DPP6: variants seen among roughly 807,000 people sequenced by gnomAD.
The protein encoded by DPP6 is A-type potassium channel modulatory protein DPP6.
A neutral mutation model predicts 122.6 loss-of-function variants in DPP6; 69 were observed. The observed-to-expected ratio is 0.56, with a 90% CI of 0.46 to 0.69. DPP6 has a LOEUF of 0.69. DPP6 is among the 30% of genes least tolerant of loss of function. The pLI, the probability that DPP6 is intolerant of heterozygous loss-of-function variation, is 0.00. For missense variants in DPP6, 928 were observed against 1,116.9 expected (o/e 0.83, Z 2.41); for synonymous variants, 418 against 433.1 (o/e 0.97, Z 0.43).
chr7:154,798,454 C>A (rs943545492), intron 12 of DPP6, among the ~76,000 whole-genome samples: 1 of 152,214 alleles, frequency 6.6e-6, no homozygotes. Flanking sequence ...TAAAATAATT[C>A]TTACTGTTTT....
chr7:153,963,714 A>G (rs1384807026), intron 1 of DPP6, among the ~76,000 whole-genome samples: 1 of 152,174 alleles, frequency 6.6e-6, no homozygotes, highest in African/African-American at 2.4e-5. Flanking sequence ...TCTGGGTTGC[A>G]TGCTCCTTAT....
intron 1 of DPP6, among the ~76,000 whole-genome samples, chr7:153,940,028 A>G (rs750978102): frequency 6.6e-6 from 1 of 152,228 alleles, no homozygotes; most frequent in Non-Finnish European, 1.5e-5. Context: ...AGCCAGGACA[A>G]GACATGGCAT....
chr7:154,671,590 A>G (rs1838558235), intron 7 of DPP6, among the ~76,000 whole-genome samples: 1 of 152,316 alleles, frequency 6.6e-6, no homozygotes, highest in Non-Finnish European at 1.5e-5. Context: ...AGCTTGTAAC[A>G]TAAAGGAAAT....
intron 1 of DPP6, among the ~76,000 whole-genome samples, chr7:153,992,079 G>A (rs921452215): frequency 1.6e-4 from 24 of 152,090 alleles, no homozygotes; most frequent in African/African-American, 4.8e-4. Context: ...GCATTTATAA[G>A]GGTGGAGCCT....
intron 6 of DPP6, among the ~76,000 whole-genome samples, chr7:154,648,017 G>A (rs928885673): frequency 2.6e-5 from 4 of 151,752 alleles, no homozygotes; most frequent in African/African-American, 7.3e-5. Context: ...TTGGGGGACC[G>A]AGGCGGGCAG....
At chr7:154,342,865 G>A (rs6973785) in intron 1 of DPP6, among the ~76,000 whole-genome samples, 17,157 of 152,136 alleles carry the variant, frequency 0.11, 1,399 homozygotes, top group African/African-American at 0.23. Context: ...CAAGCCAATC[G>A]TGGCCAAAGC....
intron 2 of DPP6, among the ~76,000 whole-genome samples, chr7:154,474,460 A>G (rs1822549616): frequency 1.3e-5 from 2 of 152,242 alleles, no homozygotes; most frequent in African/African-American, 4.8e-5. Context: ...ACCCAGAGAC[A>G]GCCAGGGACA....
chr7:153,822,346 C>T, the DPP6 span, among the ~76,000 whole-genome samples: 83 of 152,032 alleles, frequency 5.5e-4, no homozygotes, highest in South Asian at 1.2e-3. Flanking sequence ...CACGCCACCA[C>T]GCCCAGCTAA....
At chr7:153,773,465 A>G in the DPP6 span, among the ~76,000 whole-genome samples, 2 of 151,840 alleles carry the variant, frequency 1.3e-5, no homozygotes, top group Non-Finnish European at 2.9e-5. Context: ...ATTCTGGGCC[A>G]TAAAATAAAC....
Position 154,481,994 on chromosome 7 carries a change from C to T in DPP6, c.457+6957C>T, listed in dbSNP as rs559476187. Among the ~76,000 whole-genome samples the T allele has an allele frequency of 8.0e-4, 122 of 152,334 alleles. No individual in the cohort carries two copies. Among genetic ancestry groups the T allele is most frequent in the African/African-American group, 2.9e-3 (119 of 41,582 alleles). On this transcript the variant is annotated intron_variant, in intron 3 of 25. Coordinates refer to ENST00000377770, the MANE Select transcript of DPP6 (RefSeq NM_130797.4). The surrounding 1 kb of genome is among the most constrained non-coding windows in gnomAD (Gnocchi z 4.2). ...CACGAAGACTTCTTGGGCATTTTCT[C>T]ATTTGATACTTAAACAGCCTAGTTT... is the stretch of plus-strand genomic sequence containing the variant.
At chr7:154,117,827 C>T (rs1040307827) in intron 1 of DPP6, among the ~76,000 whole-genome samples, 1 of 151,816 alleles carries the variant, frequency 6.6e-6, no homozygotes, top group African/African-American at 2.4e-5. Context: ...TACCGTGTTT[C>T]TGAGCGAGGA....
At chr7:153,823,839 T>C in the DPP6 span, among the ~76,000 whole-genome samples, 1 of 152,108 alleles carries the variant, frequency 6.6e-6, no homozygotes, top group Non-Finnish European at 1.5e-5. Context: ...CTGTTTTCAC[T>C]GCAGTCAATT....
intron 1 of DPP6, among the ~76,000 whole-genome samples, chr7:154,164,165 A>G (rs1225612074): frequency 2.6e-5 from 4 of 151,596 alleles, no homozygotes; most frequent in Non-Finnish European, 4.4e-5. Flanking sequence ...TGTTCTGACT[A>G]TGGTCTAAGA....
chr7:153,982,556 C>T (rs1487468660), intron 1 of DPP6, among the ~76,000 whole-genome samples: 1 of 152,070 alleles, frequency 6.6e-6, no homozygotes, highest in Non-Finnish European at 1.5e-5. Context: ...ATTTGTCAAA[C>T]TCATTCTCCA....
At chr7:154,730,177 C>T (rs1251295045) in intron 8 of DPP6, among the ~76,000 whole-genome samples, 1 of 152,186 alleles carries the variant, frequency 6.6e-6, no homozygotes, top group Non-Finnish European at 1.5e-5. Flanking sequence ...GTCCTGTTTG[C>T]TCCCTGATAT....
At chr7:154,354,517 C>A (rs1345442937) in intron 1 of DPP6, among the ~76,000 whole-genome samples, 1 of 152,104 alleles carries the variant, frequency 6.6e-6, no homozygotes, top group African/African-American at 2.4e-5. Flanking sequence ...AAATGGCTTC[C>A]CTATTAATAT....
chr7:154,887,594 C>T (rs1236493793), intron 22 of DPP6, 82 bp from the exon 23 acceptor site: 1 of 1,422,086 alleles, frequency 7.0e-7, no homozygotes, highest in East Asian at 2.3e-5. Flanking sequence ...GCACCCGGTC[C>T]AGGGCCCTCC....
At chr7:153,904,258 G>A (rs1799755004) in intron 1 of DPP6, among the ~76,000 whole-genome samples, 1 of 152,048 alleles carries the variant, frequency 6.6e-6, no homozygotes, top group African/African-American at 2.4e-5. Context: ...CACTGTGTTG[G>A]CCAGGCTGGT....
chr7:154,455,955 G>T (rs1400677516), intron 2 of DPP6, among the ~76,000 whole-genome samples: 1 of 152,084 alleles, frequency 6.6e-6, no homozygotes, highest in Non-Finnish European at 1.5e-5. Context: ...AATTTTGGTG[G>T]CCTTAAGGAC....
Sources: gnomAD v4.1 joint callset for allele counts (sites outside exome capture counted in the v4.1 genomes callset) on GRCh38, gnomAD v4.1.1 for gene constraint, Gnocchi (gnomAD v3.1) non-coding constraint, MANE v1.5 for transcripts, NCBI Gene and HGNC (gene_info 2026-07-23, HGNC 2026-07-21) for gene names.